The following PDZRN3 variants were observed in gnomAD, a reference collection of about 807,000 sequenced individuals.
The protein encoded by PDZRN3 is PDZ domain containing ring finger 3.
PDZRN3 carries 38 observed loss-of-function variants against 85.7 expected under a neutral mutation model. The ratio of observed to expected loss-of-function variants is 0.44; its 90% confidence interval spans 0.34 to 0.58. The LOEUF (loss-of-function observed/expected upper bound fraction) is 0.58. PDZRN3 is among the 20% of genes least tolerant of loss of function. The probability of loss-of-function intolerance (pLI) is 0.01; values close to 1 mark genes in which losing one functional copy is unlikely to be tolerated. For synonymous variants in PDZRN3, 759 were observed against 638.0 expected (o/e 1.19, Z -2.86); for missense variants, 1,629 against 1,506.4 (o/e 1.08, Z -1.35).
chr3:73,594,179 G>T (rs1475258842), intron 3 of PDZRN3, among the ~76,000 whole-genome samples: 2 of 152,110 alleles, frequency 1.3e-5, no homozygotes, highest in African/African-American at 4.8e-5. Flanking sequence ...TCATTAGAAA[G>T]AAATTAATAC....
intron 3 of PDZRN3, among the ~76,000 whole-genome samples, chr3:73,429,736 T>G (rs1702391799): frequency 6.6e-6 from 1 of 152,196 alleles, no homozygotes; most frequent in Non-Finnish European, 1.5e-5. Context: ...CACAAATTAA[T>G]CTTATGTGAT....
At chr3:73,390,926 CT>C in intron 6 of PDZRN3, 91 bp downstream of exon 6, 1 of 756,932 alleles carries the variant, frequency 1.3e-6, no homozygotes, top group African/African-American at 1.8e-5. Context: ...CCAAAGAGAT[CT>C]TGATGAGGTG....
intron 3 of PDZRN3, among the ~76,000 whole-genome samples, chr3:73,523,510 T>C (rs1319700066): frequency 6.6e-6 from 1 of 152,196 alleles, no homozygotes; most frequent in African/African-American, 2.4e-5. Context: ...CACACATTTA[T>C]GCATATAAAA....
chr3:73,410,679 T>C (rs932401489), intron 3 of PDZRN3, among the ~76,000 whole-genome samples: 7 of 152,262 alleles, frequency 4.6e-5, no homozygotes, highest in Non-Finnish European at 8.8e-5. Context: ...GTAGAATACA[T>C]CTGGCTACCA....
chr3:73,528,092 G>A (rs2106746821), intron 3 of PDZRN3, among the ~76,000 whole-genome samples: 1 of 152,356 alleles, frequency 6.6e-6, no homozygotes, highest in South Asian at 2.1e-4. Flanking sequence ...GGGCTCAGAG[G>A]TCAAGGGCTG....
chr3:73,416,883 T>G (rs1702098083), intron 3 of PDZRN3, among the ~76,000 whole-genome samples: 1 of 135,942 alleles, frequency 7.4e-6, no homozygotes, highest in Non-Finnish European at 1.6e-5. Flanking sequence ...TTGGTTTTTT[T>G]TTTTTTTTTT....
intron 3 of PDZRN3, among the ~76,000 whole-genome samples, chr3:73,600,882 G>GA (rs932503985): frequency 3.7e-4 from 56 of 152,282 alleles, no homozygotes; most frequent in African/African-American, 1.3e-3. Flanking sequence ...TCCTGTTAGG[G>GA]AAAATCCAGT....
chr3:73,608,709 CT>C, intron 1 of PDZRN3, 25 bp from the exon 2 acceptor site: 2 of 1,434,212 alleles, frequency 1.4e-6, no homozygotes, highest in Non-Finnish European at 1.9e-6. Context: ...TGAGATCAAA[CT>C]TTTATTTACC....
intron 3 of PDZRN3, among the ~76,000 whole-genome samples, chr3:73,565,443 T>C (rs1701925841): frequency 6.6e-6 from 1 of 151,914 alleles, no homozygotes; most frequent in South Asian, 2.1e-4. Context: ...CCACCAAAAA[T>C]TAATGGAAGT....
At chr3:73,506,933 C>T (rs1161411918) in intron 3 of PDZRN3, among the ~76,000 whole-genome samples, 6 of 151,510 alleles carry the variant, frequency 4.0e-5, no homozygotes, top group Admixed American at 1.3e-4. Context: ...AAAACTTCAA[C>T]CCAGCATTGT....
intron 8 of PDZRN3, among the ~76,000 whole-genome samples, chr3:73,386,068 A>T (rs1701376361): frequency 6.6e-6 from 1 of 151,824 alleles, no homozygotes; most frequent in Non-Finnish European, 1.5e-5. Context: ...CCTTCAGTGC[A>T]GTAGGACACC....
At position 73,624,472 on chromosome 3, in the gene PDZRN3, G is replaced by T. The variant is rs764102359; in HGVS notation, c.354C>A (p.Gly118=). The part of the protein sequence containing the change: ...APARCRHAGC[G]QVLLRRDVEA... ...CCACGTCGCGCCGCAGCAGCACCTG[G>T]CCGCAACCCGCGTGGCGACAGCGCG... Residue 118 remains glycine (G), a synonymous_variant, in exon 1 of 10, where the codon GGC becomes GGA. Coordinates refer to ENST00000263666, the MANE Select transcript of PDZRN3 (RefSeq NM_015009.3). The T allele has an allele frequency of 7.9e-6, 11 of 1,392,200 alleles. 1 individual carries two copies. The South Asian group carries it at 1.8e-4, about 22-fold the overall frequency. 86.2% of individuals were successfully genotyped at this position (1,392,200 alleles called of 1,614,324 possible).
chr3:73,443,554 T>C (rs1176823872), intron 3 of PDZRN3, among the ~76,000 whole-genome samples: 1 of 148,258 alleles, frequency 6.7e-6, no homozygotes, highest in Admixed American at 6.6e-5. Flanking sequence ...GGTACGATCA[T>C]AGCTCACTGC....
intron 7 of PDZRN3, 44 bp from the exon 8 acceptor site, chr3:73,388,113 A>T: frequency 2.1e-6 from 2 of 934,548 alleles, no homozygotes; most frequent in Non-Finnish European, 3.3e-6. Flanking sequence ...GGAGACAAAT[A>T]GCATGATTAG....
At chr3:73,483,294 T>A (rs944047536) in intron 3 of PDZRN3, among the ~76,000 whole-genome samples, 4 of 152,172 alleles carry the variant, frequency 2.6e-5, no homozygotes, top group African/African-American at 9.7e-5. Context: ...ATTTGTAAAG[T>A]CAACATAATG....
At chr3:73,442,588 G>T (rs1275808659) in intron 3 of PDZRN3, among the ~76,000 whole-genome samples, 1 of 152,134 alleles carries the variant, frequency 6.6e-6, no homozygotes, top group East Asian at 1.9e-4. Context: ...TAAGTTAAAA[G>T]AATTAGGTGA....
At chr3:73,513,591 C>G (rs577557509) in intron 3 of PDZRN3, among the ~76,000 whole-genome samples, 33 of 152,316 alleles carry the variant, frequency 2.2e-4, no homozygotes, top group African/African-American at 7.9e-4. Flanking sequence ...TCTCTCTACA[C>G]TAACTACACT....
chr3:73,552,149 C>T (rs567029367), intron 3 of PDZRN3, among the ~76,000 whole-genome samples: 1 of 152,224 alleles, frequency 6.6e-6, no homozygotes, highest in East Asian at 1.9e-4. Flanking sequence ...GTCTTCTATC[C>T]TCCCAGTTAC....
intron 3 of PDZRN3, among the ~76,000 whole-genome samples, chr3:73,519,266 C>T (rs1704309585): frequency 6.6e-6 from 1 of 152,052 alleles, no homozygotes. Flanking sequence ...AAAGAGGAGG[C>T]CAGAGCATAC....
Sources: allele counts gnomAD v4.1 joint callset (sites outside exome capture counted in the v4.1 genomes callset), GRCh38; gene constraint gnomAD v4.1.1; transcripts MANE v1.5; gene names NCBI Gene and HGNC (gene_info 2026-07-23, HGNC 2026-07-21).